GABRB3: variants seen among roughly 807,000 people sequenced by gnomAD.
The protein encoded by GABRB3 is gamma-aminobutyric acid type A receptor subunit beta3.
A neutral mutation model predicts 52.1 loss-of-function variants in GABRB3; 14 were observed. The observed-to-expected ratio is 0.27, with a 90% CI of 0.18 to 0.42. The LOEUF (loss-of-function observed/expected upper bound fraction) is 0.42. Ranked by LOEUF, GABRB3 falls within the 10% of genes least tolerant of loss-of-function variation. The pLI is 1.00. For missense variants in GABRB3, 307 were observed against 609.1 expected (o/e 0.50, Z 5.22); for synonymous variants, 260 against 232.3 (o/e 1.12, Z -1.08).
In GABRB3 at chr15:26,606,805, T is replaced by TAGATAG. The variant is rs1398253433; in HGVS notation, c.461+14508_461+14509insCTATCT. ...AGATATATCTATAGATAGATATATCTATAGATAGATAGATAGATAGATAGA... is the reference window on the plus strand; with the variant it reads ...AGATATATCTATAGATAGATATATCTAGATAGATAGATAGATAGATAGATAGATAGA... On this transcript the variant is annotated intron_variant, in intron 4 of 8. Coordinates refer to ENST00000311550, the MANE Select transcript of GABRB3 (RefSeq NM_000814.6). Among the ~76,000 whole-genome samples the TAGATAG allele has an allele frequency of 1.8e-3, 213 of 118,010 alleles. 2 individuals carry two copies. Among genetic ancestry groups the TAGATAG allele is most frequent in the Admixed American group, 2.5e-3 (29 of 11,378 alleles). 77.4% of individuals were successfully genotyped at this position (118,010 alleles called of 152,430 possible). A position where few individuals can be genotyped will look rare whatever the true frequency, so the allele number is the denominator to read the frequency against.
chr15:26,690,520 T>A (rs1394940646), intron 3 of GABRB3, among the ~76,000 whole-genome samples: 1 of 152,046 alleles, frequency 6.6e-6, no homozygotes, highest in Non-Finnish European at 1.5e-5. Context: ...AAATTATCAC[T>A]CAGCCCTGGC....
rs769311804 is a variant in GABRB3, at chr15:26,547,952, G to T, written c.1263C>A (p.Leu421=). 1.9e-6 allele frequency: 3 copies of T among 1,614,216 alleles called. No individual in the cohort carries two copies. Among genetic ancestry groups the T allele is most frequent in the Middle Eastern group, 1.6e-4 (1 of 6,062 alleles). The part of the protein sequence containing the change: ...GHGRFLGDRS[L]PHKKTHLRRR... ...TCCGTAGATGGGTCTTCTTGTGCGG[G>T]AGGCTTCTGTCCCCCAGGAATCGCC... The change falls in exon 9 of 9, where the codon CTC becomes CTA. Residue 421 remains leucine (L), a synonymous_variant. Transcript: ENST00000311550.
chr15:26,572,111 C>T (rs1055453884), intron 6 of GABRB3, among the ~76,000 whole-genome samples: 1 of 151,526 alleles, frequency 6.6e-6, no homozygotes, highest in Non-Finnish European at 1.5e-5. Context: ...CGGTATCCGG[C>T]GCATGCCCCA....
intron 8 of GABRB3, among the ~76,000 whole-genome samples, chr15:26,557,336 A>C (rs961830752): frequency 6.6e-6 from 1 of 152,182 alleles, no homozygotes; most frequent in Non-Finnish European, 1.5e-5. Flanking sequence ...TATGCTCATT[A>C]CCTGGGTGAG....
intron 3 of GABRB3, among the ~76,000 whole-genome samples, chr15:26,764,279 G>A (rs1890934885): frequency 7.3e-6 from 1 of 136,574 alleles, no homozygotes; most frequent in Non-Finnish European, 1.5e-5. Context: ...TTACATAAAA[G>A]GAATTCTTTT....
rs1892500511 is a variant in GABRB3 at position 26,621,975 on chromosome 15, C to T, written c.241-441G>A. On this transcript the variant is annotated intron_variant, in intron 3 of 8. Transcript: ENST00000311550. The surrounding 1 kb of genome is among the most constrained non-coding windows in gnomAD (Gnocchi z 4.1). ...CTCTCTCTGCAATTTGAGCCACTTTCCTCTGGTTCTGCCCTCCATGAGGGC... is the reference window on the plus strand; with the variant it reads ...CTCTCTCTGCAATTTGAGCCACTTTTCTCTGGTTCTGCCCTCCATGAGGGC... Among the ~76,000 whole-genome samples the T allele has an allele frequency of 1.3e-5, 2 of 152,132 alleles. No homozygotes were observed. The highest frequency in any genetic ancestry group is 4.1e-4 in the South Asian group (2 of 4,830).
At chr15:26,620,172 A>G (rs1383012714) in intron 4 of GABRB3, among the ~76,000 whole-genome samples, 1 of 152,136 alleles carries the variant, frequency 6.6e-6, no homozygotes, top group East Asian at 1.9e-4. Context: ...AAACTTCCCA[A>G]AGAAACTCCA....
intron 4 of GABRB3, among the ~76,000 whole-genome samples, chr15:26,619,376 G>A (rs1374895804): frequency 6.6e-6 from 1 of 151,766 alleles, no homozygotes; most frequent in South Asian, 2.1e-4. Context: ...TAGGGACATG[G>A]ATGAAATTGG....
chr15:26,604,117 T>C (rs1891688800), intron 4 of GABRB3, among the ~76,000 whole-genome samples: 2 of 151,976 alleles, frequency 1.3e-5, no homozygotes, highest in Admixed American at 6.6e-5. Context: ...CACTTCTATA[T>C]GGCAACAGTG....
chr15:26,671,550 A>T (rs1312588423), intron 3 of GABRB3, among the ~76,000 whole-genome samples: 1 of 152,192 alleles, frequency 6.6e-6, no homozygotes, highest in African/African-American at 2.4e-5. Context: ...ATTCATCAAG[A>T]GACCAACAGA....
intron 3 of GABRB3, among the ~76,000 whole-genome samples, chr15:26,731,892 G>T (rs1319162056): frequency 1.3e-5 from 2 of 151,694 alleles, no homozygotes; most frequent in East Asian, 3.9e-4. Flanking sequence ...TCTGGGTACT[G>T]ATGTTTATTT....
chr15:26,743,937 TC>T (rs139537447), intron 3 of GABRB3, among the ~76,000 whole-genome samples: 11,350 of 152,014 alleles, frequency 0.075, 495 homozygotes, highest in Middle Eastern at 0.16. Context: ...TTCTCAACTC[TC>T]CCCGCTAAGT....
In GABRB3 at chr15:26,772,760, G is replaced by A. The variant is rs1891188118; in HGVS notation, c.93C>T (p.Pro31=). 2.6e-6 allele frequency: 4 copies of A among 1,561,550 alleles called. No individual in the cohort carries two copies. The highest frequency in any genetic ancestry group is 3.5e-6 in the Non-Finnish European group (4 of 1,153,082). ...VVCCAQSVND[P]GNMSFVKETV... ...TCTCCTTCACAAAGGACATGTTCCC[G>A]GGATCGTTCACACTGGGGGAGGGAC... is the stretch of plus-strand genomic sequence containing the variant. Residue 31 remains proline, a synonymous_variant, in exon 2 of 9, where the codon CCC becomes CCT. Coordinates refer to ENST00000311550, the MANE Select transcript of GABRB3 (RefSeq NM_000814.6).
At chr15:26,678,273 G>C (rs1232527069) in intron 3 of GABRB3, among the ~76,000 whole-genome samples, 1 of 152,146 alleles carries the variant, frequency 6.6e-6, no homozygotes, top group Non-Finnish European at 1.5e-5. Context: ...CTGGCCCTGT[G>C]GACTTCTATG....
At chr15:26,719,137 T>G (rs139878043) in intron 3 of GABRB3, among the ~76,000 whole-genome samples, 327 of 152,384 alleles carry the variant, frequency 2.1e-3, no homozygotes, top group African/African-American at 7.2e-3. Flanking sequence ...ATTCCTGCCA[T>G]GTCCACAACA....
intron 3 of GABRB3, among the ~76,000 whole-genome samples, chr15:26,699,503 A>C (rs141815522): frequency 6.6e-6 from 1 of 151,874 alleles, no homozygotes; most frequent in Non-Finnish European, 1.5e-5. Context: ...AAAAAAAAAA[A>C]CTCAAAACTT....
intron 7 of GABRB3, among the ~76,000 whole-genome samples, chr15:26,564,072 A>C (rs1425645990): frequency 2.0e-5 from 3 of 152,106 alleles, no homozygotes; most frequent in Non-Finnish European, 4.4e-5. Flanking sequence ...AAAATCCAAA[A>C]TCTGAAATGT....
intron 8 of GABRB3, among the ~76,000 whole-genome samples, chr15:26,557,412 C>T (rs1021106597): frequency 1.3e-5 from 2 of 152,060 alleles, no homozygotes; most frequent in Admixed American, 1.3e-4. Context: ...TGCACATGTA[C>T]CCTTGAAGCT....
At chr15:26,735,226 CAA>C (rs1278654991) in intron 3 of GABRB3, among the ~76,000 whole-genome samples, 3 of 152,082 alleles carry the variant, frequency 2.0e-5, no homozygotes, top group African/African-American at 7.2e-5. Flanking sequence ...TACTAACAAA[CAA>C]AGAGAAAATA....
Sources: allele counts gnomAD v4.1 joint callset (sites outside exome capture counted in the v4.1 genomes callset), GRCh38; gene constraint gnomAD v4.1.1; non-coding constraint Gnocchi (gnomAD v3.1); transcripts MANE v1.5; gene names NCBI Gene and HGNC (gene_info 2026-07-23, HGNC 2026-07-21).